TRAK2: variants seen among roughly 807,000 people sequenced by gnomAD.
TRAK2 encodes trafficking kinesin-binding protein 2.
A neutral mutation model predicts 104.6 loss-of-function variants in TRAK2; 81 were observed. That is an observed-to-expected ratio of 0.77 (90% confidence interval 0.65 to 0.93). The LOEUF (loss-of-function observed/expected upper bound fraction) is 0.93, where lower values mean the gene tolerates loss of function less well. Among genes scored for constraint, TRAK2 ranks in the 40% least tolerant of loss-of-function variants. TRAK2 has a pLI of 0.00. For missense variants in TRAK2, 1,002 were observed against 1,089.0 expected (o/e 0.92, Z 1.12); for synonymous variants, 406 against 394.4 (o/e 1.03, Z -0.35).
intron 1 of TRAK2, among the ~76,000 whole-genome samples, chr2:201,437,462 T>A (rs1951887398): frequency 6.6e-6 from 1 of 152,212 alleles, no homozygotes; most frequent in African/African-American, 2.4e-5. Flanking sequence ...AATCTCAGTA[T>A]CAATTTATAA....
At chr2:201,434,286 T>C (rs1951866074) in intron 1 of TRAK2, among the ~76,000 whole-genome samples, 1 of 152,164 alleles carries the variant, frequency 6.6e-6, no homozygotes, top group Admixed American at 6.5e-5. Flanking sequence ...CAATGATATA[T>C]CTAAATCGGT....
intron 1 of TRAK2, among the ~76,000 whole-genome samples, chr2:201,439,393 T>C (rs1217865423): frequency 6.6e-6 from 1 of 152,186 alleles, no homozygotes; most frequent in African/African-American, 2.4e-5. Context: ...TAATACTTTT[T>C]TTTTTTGTGG....
chr2:201,424,096 T>C (rs938246735), intron 1 of TRAK2, among the ~76,000 whole-genome samples: 1 of 152,154 alleles, frequency 6.6e-6, no homozygotes, highest in Non-Finnish European at 1.5e-5. Context: ...CCTAAACCAG[T>C]CACTATAAAG....
At position 201,451,332 on chromosome 2, in the gene TRAK2, C is replaced by G. The variant is rs560085141; in HGVS notation, c.-200+18G>C. 3 of 152,318 alleles carry G rather than the reference C, an allele frequency of 2.0e-5. No homozygotes were observed. The highest frequency in any genetic ancestry group is 1.3e-4 in the Admixed American group (2 of 15,304). The allele number at this position is 152,318 out of a possible 1,614,324, so 9.4% of individuals were successfully genotyped here. A position where few individuals can be genotyped will look rare whatever the true frequency, so the allele number is the denominator to read the frequency against. ...TTGTCAAGGGCAAGTTCGGGTTCTGCGCGGACAGCTTACTCACTGGAGTGG... is the reference window on the plus strand; with the variant it reads ...TTGTCAAGGGCAAGTTCGGGTTCTGGGCGGACAGCTTACTCACTGGAGTGG... On this transcript the variant is annotated intron_variant, in intron 1 of 15. Transcript: ENST00000332624.
intron 1 of TRAK2, among the ~76,000 whole-genome samples, chr2:201,450,647 T>C (rs143648490): frequency 1.7e-4 from 26 of 151,490 alleles, no homozygotes; most frequent in African/African-American, 6.1e-4. Flanking sequence ...TTTGTTCCTA[T>C]GGTCCATTCC....
intron 2 of TRAK2, among the ~76,000 whole-genome samples, chr2:201,418,705 T>A (rs915677603): frequency 6.6e-6 from 1 of 152,018 alleles, no homozygotes; most frequent in African/African-American, 2.4e-5. Context: ...CAATGAAATA[T>A]CCAATTGGAA....
intron 1 of TRAK2, among the ~76,000 whole-genome samples, chr2:201,440,556 C>T (rs1951913065): frequency 1.3e-5 from 2 of 152,216 alleles, no homozygotes; most frequent in East Asian, 1.9e-4. Context: ...AACATGAACA[C>T]ACTCTGTCCT....
intron 12 of TRAK2, among the ~76,000 whole-genome samples, chr2:201,389,057 T>C (rs565389445): frequency 1.3e-5 from 2 of 152,354 alleles, no homozygotes; most frequent in South Asian, 4.1e-4. Context: ...GTTGAGATTA[T>C]GAGCACGGAT....
At chr2:201,442,388 C>CAA (rs61153548) in intron 1 of TRAK2, among the ~76,000 whole-genome samples, 3,294 of 143,554 alleles carry the variant, frequency 0.023, 54 homozygotes, top group Middle Eastern at 0.046. Context: ...GACTCCATCT[C>CAA]AAAAAAAAAA....
chr2:201,417,778 T>C (rs555052439), intron 2 of TRAK2, among the ~76,000 whole-genome samples: 4 of 152,202 alleles, frequency 2.6e-5, no homozygotes, highest in South Asian at 2.1e-4. Flanking sequence ...ATATGTAAAA[T>C]TGTCTCCATT....
intron 3 of TRAK2, among the ~76,000 whole-genome samples, chr2:201,406,098 C>T (rs1170537744): frequency 1.3e-5 from 2 of 152,182 alleles, no homozygotes. Context: ...AAATCTCAAG[C>T]AAGCAAATTC....
Position 201,380,481 on chromosome 2 carries a change from T to C in TRAK2, c.*62A>G, listed in dbSNP as rs1201227535. 3 of 1,497,322 alleles carry C rather than the reference T, an allele frequency of 2.0e-6. No homozygotes were observed. The highest frequency in any genetic ancestry group is 2.8e-5 in the African/African-American group (2 of 72,632). 92.8% of individuals were successfully genotyped at this position (1,497,322 alleles called of 1,614,324 possible). ...CTCTCAAGTCAGACCAGACCACATG[T>C]TTCAGTGCATATCTATCCTTCATGT... On this transcript the variant is annotated 3_prime_UTR_variant, in exon 16 of 16. Transcript: ENST00000332624.
intron 1 of TRAK2, among the ~76,000 whole-genome samples, chr2:201,425,060 T>TAA: frequency 6.6e-6 from 1 of 152,236 alleles, no homozygotes; most frequent in Non-Finnish European, 1.5e-5. Context: ...CAGCCACACT[T>TAA]ACTTAAGTAT....
Position 201,386,502 on chromosome 2 carries a change from A to G in TRAK2, c.1697-18T>C. 4.3e-6 allele frequency: 7 copies of G among 1,610,744 alleles called. No homozygotes were observed. The highest frequency in any genetic ancestry group is 5.9e-6 in the Non-Finnish European group (7 of 1,177,278). On this transcript the variant is annotated intron_variant, in intron 13 of 15. Transcript: ENST00000332624. ...TTGTGATCCTGAATATGCAAAACAA[A>G]GGAAGGGGAAAGGCATGTTTTACAT...
chr2:201,406,183 A>G (rs1359097640), intron 3 of TRAK2, among the ~76,000 whole-genome samples: 1 of 152,254 alleles, frequency 6.6e-6, no homozygotes. Flanking sequence ...AATATTAAGG[A>G]CAAAAACACA....
chr2:201,436,650 G>T (rs1443256553), intron 1 of TRAK2, among the ~76,000 whole-genome samples: 1 of 152,128 alleles, frequency 6.6e-6, no homozygotes, highest in African/African-American at 2.4e-5. Context: ...ATTTCTCTTT[G>T]TCCTCTCTAA....
At chr2:201,410,067 G>A (rs926919228) in intron 2 of TRAK2, among the ~76,000 whole-genome samples, 4 of 152,234 alleles carry the variant, frequency 2.6e-5, no homozygotes, top group Non-Finnish European at 5.9e-5. Flanking sequence ...GGAGGCCGAG[G>A]CGGGTGGATC....
Position 201,389,425 on chromosome 2 carries a change from CAG to C in TRAK2, c.1270_1271del (p.Leu424ValfsTer19). The C allele has an allele frequency of 6.2e-7, 1 of 1,614,086 alleles. No individual in the cohort carries two copies. Among genetic ancestry groups the C allele is most frequent in the Non-Finnish European group, 8.5e-7 (1 of 1,180,018 alleles). On this transcript the variant is annotated frameshift_variant, in exon 12 of 16. Coordinates refer to ENST00000332624, the MANE Select transcript of TRAK2 (RefSeq NM_015049.3). LOFTEE classifies it high-confidence loss of function. ...AACGGTTGGAGCCTGGAATGGGTAA[CAG>C]AGCTGGGAATGAGATAGAGCGGCCC... is the stretch of plus-strand genomic sequence containing the variant. ...TRGRSISFPA[L>X]LPIPGSNRSS...
chr2:201,395,253 A>G lies in TRAK2; in HGVS notation c.900+61T>C, dbSNP rs762752862. The G allele has an allele frequency of 2.8e-6, 4 of 1,408,652 alleles. No individual in the cohort carries two copies. In the South Asian group the frequency reaches 5.0e-5, roughly 18 times the overall value. 87.3% of individuals were successfully genotyped at this position (1,408,652 alleles called of 1,614,324 possible). A position where few individuals can be genotyped will look rare whatever the true frequency, so the allele number is the denominator to read the frequency against. On this transcript the variant is annotated intron_variant, in intron 8 of 15. Coordinates refer to ENST00000332624, the MANE Select transcript of TRAK2 (RefSeq NM_015049.3). ...TTGTTTATTGTATCTAGCACTTAGC[A>G]TGGTGCAAGATACTATGTGAGTGCT...
Sources: allele counts gnomAD v4.1 joint callset (sites outside exome capture counted in the v4.1 genomes callset), GRCh38; gene constraint gnomAD v4.1.1; transcripts MANE v1.5; gene names NCBI Gene and HGNC (gene_info 2026-07-23, HGNC 2026-07-21).